Variants in WWC2 observed in about 807,000 individuals in gnomAD.
WWC2 encodes WW and C2 domain containing 2.
WWC2 carries 101 observed loss-of-function variants against 138.5 expected under a neutral mutation model. The ratio of observed to expected loss-of-function variants is 0.73; its 90% CI spans 0.62 to 0.86. WWC2 has a LOEUF of 0.86. WWC2 is among the 40% of genes least tolerant of loss of function. WWC2 has a pLI of 0.00. For missense variants in WWC2, 1,420 were observed against 1,419.4 expected (o/e 1.00, Z -0.01); for synonymous variants, 558 against 538.4 (o/e 1.04, Z -0.50).
chr4:183,281,863 T>C (rs2111057820), intron 17 of WWC2, among the ~76,000 whole-genome samples: 1 of 152,294 alleles, frequency 6.6e-6, no homozygotes, highest in Admixed American at 6.5e-5. Context: ...ATATGTAAAA[T>C]ACAAGTTGTT....
chr4:183,226,490 A>G (rs550789299), intron 4 of WWC2, among the ~76,000 whole-genome samples: 2 of 152,192 alleles, frequency 1.3e-5, no homozygotes, highest in South Asian at 4.1e-4. Flanking sequence ...TTAGTAGGGA[A>G]TTTATATAGG....
At chr4:183,133,152 CTTTTTTTTTTT>C (rs374079982) in intron 1 of WWC2, among the ~76,000 whole-genome samples, 4 of 59,200 alleles carry the variant, frequency 6.8e-5, no homozygotes, top group South Asian at 4.9e-4. Flanking sequence ...TCTTTTTTTT[CTTTTTTTTTTT>C]TTTTTGACCA....
intron 1 of WWC2, among the ~76,000 whole-genome samples, chr4:183,137,357 C>A (rs956215844): frequency 6.6e-6 from 1 of 151,830 alleles, no homozygotes; most frequent in African/African-American, 2.4e-5. Flanking sequence ...GTTCTATAAG[C>A]TTTTTTGTTT....
chr4:183,306,531 TAATG>T (rs1215038291), intron 21 of WWC2, among the ~76,000 whole-genome samples: 1 of 151,960 alleles, frequency 6.6e-6, no homozygotes, highest in Non-Finnish European at 1.5e-5. Context: ...AAGTATGACA[TAATG>T]AATAATAAAG....
Position 183,253,758 on chromosome 4 carries a change from A to G in WWC2, c.955A>G (p.Met319Val), listed in dbSNP as rs1371503197. 2.5e-6 allele frequency: 4 copies of G among 1,597,238 alleles called. No individual in the cohort carries two copies. Among genetic ancestry groups the G allele is most frequent in the African/African-American group, 2.7e-5 (2 of 72,866 alleles). ...CCTCTTCTATCTTTTTTTTTTTAGT[A>G]TGGCCAACTTAAAAATTGAACTGTC... ...SLQYEEAKRSMANLKIELSKL... is the reference protein window; with the variant it reads ...SLQYEEAKRSVANLKIELSKL... Residue 319 changes from methionine (M) to valine (V), a missense_variant and splice_region_variant, in exon 9 of 23, where the codon ATG becomes GTG. Coordinates refer to ENST00000403733, the MANE Select transcript of WWC2 (RefSeq NM_024949.6).
At chr4:183,184,947 T>G (rs1259716053) in intron 1 of WWC2, among the ~76,000 whole-genome samples, 5 of 151,960 alleles carry the variant, frequency 3.3e-5, no homozygotes, top group African/African-American at 7.3e-5. Context: ...CAGAGATACT[T>G]GTAAAGCCTT....
At chr4:183,195,821 C>T (rs1038079698) in intron 2 of WWC2, among the ~76,000 whole-genome samples, 1 of 152,182 alleles carries the variant, frequency 6.6e-6, no homozygotes, top group African/African-American at 2.4e-5. Flanking sequence ...TCTCCACCAT[C>T]TCACAGAACC....
At chr4:183,194,906 A>AT (rs1735092903) in intron 2 of WWC2, among the ~76,000 whole-genome samples, 1 of 152,142 alleles carries the variant, frequency 6.6e-6, no homozygotes, top group South Asian at 2.1e-4. Flanking sequence ...ACAAGTTGTT[A>AT]CCTCAGCCTC....
intron 21 of WWC2, among the ~76,000 whole-genome samples, chr4:183,305,519 A>G (rs1353186291): frequency 1.3e-4 from 20 of 152,142 alleles, no homozygotes; most frequent in Admixed American, 1.2e-3. Context: ...CCAGAGGGGG[A>G]AAAAAGCTTC....
chr4:183,108,215 G>A (rs973838820), intron 1 of WWC2, among the ~76,000 whole-genome samples: 1 of 152,098 alleles, frequency 6.6e-6, no homozygotes, highest in African/African-American at 2.4e-5. Context: ...AAAAATGGCA[G>A]GAGCAAACCT....
Position 183,199,392 on chromosome 4 carries a change from T to C in WWC2, c.241+5684T>C, listed in dbSNP as rs4351063. ...AAACTGCCATGGTACTAGCCACTCA[T>C]ACACTAGCCATGCACATAGCCATTC... On this transcript the variant is annotated intron_variant, in intron 2 of 22. Transcript: ENST00000403733. Among the ~76,000 whole-genome samples the C allele has an allele frequency of 2.8e-4, 42 of 152,312 alleles. 1 individual carries two copies. The East Asian group carries it at 6.2e-3, about 22-fold the overall frequency.
intron 16 of WWC2, among the ~76,000 whole-genome samples, chr4:183,280,243 T>TTTTTTTTTTTTG (rs1738023570): frequency 6.7e-6 from 1 of 148,238 alleles, no homozygotes; most frequent in Non-Finnish European, 1.5e-5. Context: ...TTTTTTTTTT[T>TTTTTTTTTTTTG]TTTTTTTTTT....
intron 4 of WWC2, among the ~76,000 whole-genome samples, chr4:183,220,638 T>C (rs187041613): frequency 0.014 from 2,088 of 151,592 alleles, 24 homozygotes; most frequent in Non-Finnish European, 0.022. Context: ...ATTGAGACCA[T>C]CCTGGCTAAC....
chr4:183,170,959 G>A (rs1252937422), intron 1 of WWC2, among the ~76,000 whole-genome samples: 1 of 152,014 alleles, frequency 6.6e-6, no homozygotes, highest in African/African-American at 2.4e-5. Context: ...TTTAGAAAAA[G>A]TAATTTCTTC....
At chr4:183,131,632 G>A (rs946405640) in intron 1 of WWC2, among the ~76,000 whole-genome samples, 5 of 152,048 alleles carry the variant, frequency 3.3e-5, no homozygotes, top group Admixed American at 3.3e-4. Context: ...CTACTTAATT[G>A]CTTGTTTTTT....
At chr4:183,232,632 CCA>C (rs1374641678) in intron 4 of WWC2, among the ~76,000 whole-genome samples, 2 of 151,726 alleles carry the variant, frequency 1.3e-5, no homozygotes, top group South Asian at 4.1e-4. Flanking sequence ...AAATAATATT[CCA>C]TTATATGAAT....
intron 1 of WWC2, among the ~76,000 whole-genome samples, chr4:183,169,801 C>T (rs1734227144): frequency 6.6e-6 from 1 of 152,104 alleles, no homozygotes; most frequent in South Asian, 2.1e-4. Context: ...CCCCTCAAAC[C>T]AGTGAATCAC....
chr4:183,183,337 C>T (rs1734694683), intron 1 of WWC2, among the ~76,000 whole-genome samples: 1 of 151,980 alleles, frequency 6.6e-6, no homozygotes, highest in Non-Finnish European at 1.5e-5. Context: ...TAACAGTCTC[C>T]CTTCCCCCAC....
chr4:183,297,966 G>A (rs928596402), intron 21 of WWC2, among the ~76,000 whole-genome samples: 1 of 152,222 alleles, frequency 6.6e-6, no homozygotes, highest in South Asian at 2.1e-4. Flanking sequence ...CCATGGCAGG[G>A]GCCAGAGAAG....
Sources: allele counts gnomAD v4.1 joint callset (sites outside exome capture counted in the v4.1 genomes callset), GRCh38; gene constraint gnomAD v4.1.1; transcripts MANE v1.5; gene names NCBI Gene and HGNC (gene_info 2026-07-23, HGNC 2026-07-21).